Variants in CNTNAP2 observed in about 807,000 individuals in gnomAD.
CNTNAP2 encodes the protein contactin-associated protein-like 2.
In CNTNAP2, 98 loss-of-function variants were observed where a neutral mutation model predicts 155.2. The ratio of observed to expected loss-of-function variants is 0.63; its 90% CI spans 0.54 to 0.75. The LOEUF (loss-of-function observed/expected upper bound fraction) is 0.75. Ranked by LOEUF, CNTNAP2 falls within the 30% of genes least tolerant of loss-of-function variation. The pLI is 0.00. For missense variants in CNTNAP2, 1,727 were observed against 1,688.1 expected (o/e 1.02, Z -0.40); for synonymous variants, 651 against 631.2 (o/e 1.03, Z -0.47).
intron 3 of CNTNAP2, among the ~76,000 whole-genome samples, chr7:146,891,517 A>G (rs551880594): frequency 2.0e-5 from 3 of 152,262 alleles, no homozygotes; most frequent in Non-Finnish European, 4.4e-5. Flanking sequence ...TATGCAAAAG[A>G]TAAATTACAC....
intron 1 of CNTNAP2, among the ~76,000 whole-genome samples, chr7:146,422,361 A>G (rs867163000): frequency 2.0e-5 from 3 of 148,878 alleles, no homozygotes. Context: ...ATATATATGT[A>G]TATATATATA....
intron 3 of CNTNAP2, among the ~76,000 whole-genome samples, chr7:146,974,206 G>T (rs1193379520): frequency 2.0e-5 from 3 of 152,112 alleles, no homozygotes; most frequent in Non-Finnish European, 4.4e-5. Context: ...GCTGGGCAGG[G>T]AGGCTGAGGT....
At chr7:146,472,026 A>T (rs918051809) in intron 1 of CNTNAP2, among the ~76,000 whole-genome samples, 2 of 152,190 alleles carry the variant, frequency 1.3e-5, no homozygotes, top group African/African-American at 4.8e-5. Context: ...AAAAGCTCTC[A>T]TGGGCATCCT....
intron 15 of CNTNAP2, among the ~76,000 whole-genome samples, chr7:148,026,168 G>T (rs939819881): frequency 1.3e-5 from 2 of 152,130 alleles, no homozygotes; most frequent in Admixed American, 6.5e-5. Context: ...AAAAATACTA[G>T]CCAGGTGTGG....
intron 1 of CNTNAP2, among the ~76,000 whole-genome samples, chr7:146,224,591 CAA>C (rs35333614): frequency 0.7 from 103,695 of 148,210 alleles, 36,978 homozygotes; most frequent in East Asian, 0.94. Flanking sequence ...ACAAAAAATA[CAA>C]AAAAAAAAAA....
At chr7:146,701,150 C>A (rs140958095) in intron 1 of CNTNAP2, among the ~76,000 whole-genome samples, 6 of 152,090 alleles carry the variant, frequency 3.9e-5, no homozygotes, top group African/African-American at 1.4e-4. Flanking sequence ...TATCTGTTGG[C>A]GGGAAAGATA....
chr7:147,376,720 A>G (rs1336534005), intron 9 of CNTNAP2, among the ~76,000 whole-genome samples: 1 of 151,842 alleles, frequency 6.6e-6, no homozygotes, highest in East Asian at 1.9e-4. Context: ...TATTTCCTCT[A>G]TTTTAGAGGT....
intron 5 of CNTNAP2, among the ~76,000 whole-genome samples, chr7:147,114,560 G>A (rs894394415): frequency 1.5e-4 from 23 of 152,094 alleles, no homozygotes. Context: ...TTTACCATTA[G>A]GTAATGCCCT....
chr7:146,659,282 C>G (rs74860445), intron 1 of CNTNAP2, among the ~76,000 whole-genome samples: 3,457 of 152,214 alleles, frequency 0.023, 45 homozygotes, highest in Middle Eastern at 0.041. Flanking sequence ...TAGAGATAAC[C>G]AATTTAAATG....
Position 146,348,868 on chromosome 7 carries a change from T to A in CNTNAP2, c.97+231895T>A, listed in dbSNP as rs1794869670. 2.0e-5 allele frequency among the ~76,000 whole-genome samples: 3 copies of A among 149,410 alleles called. No homozygotes were observed. The Admixed American group carries it at 2.0e-4, about 10-fold the overall frequency. On this transcript the variant is annotated intron_variant, in intron 1 of 23. Transcript: ENST00000361727. Reference sequence around the variant, plus strand: ...TAATATACTTAATTTATAACTATTGTATATAGTGCATAATTTTCAAAGACA... The same window carrying A: ...TAATATACTTAATTTATAACTATTGAATATAGTGCATAATTTTCAAAGACA...
At chr7:147,490,817 G>A (rs1798595282) in intron 11 of CNTNAP2, among the ~76,000 whole-genome samples, 1 of 152,178 alleles carries the variant, frequency 6.6e-6, no homozygotes, top group Admixed American at 6.5e-5. Context: ...AGCCGGGGAG[G>A]CCTCAGGAAA....
chr7:147,004,171 A>G (rs1172424142), intron 3 of CNTNAP2, among the ~76,000 whole-genome samples: 1 of 150,824 alleles, frequency 6.6e-6, no homozygotes, highest in Non-Finnish European at 1.5e-5. Flanking sequence ...GAAGAATAAA[A>G]TCGATGAATT....
At chr7:147,054,725 A>G (rs1799528612) in intron 4 of CNTNAP2, among the ~76,000 whole-genome samples, 2 of 152,158 alleles carry the variant, frequency 1.3e-5, no homozygotes, top group African/African-American at 4.8e-5. Context: ...ACAACATAAT[A>G]AAATAATTAT....
At chr7:147,725,219 T>TA (rs34761432) in intron 13 of CNTNAP2, among the ~76,000 whole-genome samples, 12 of 151,648 alleles carry the variant, frequency 7.9e-5, no homozygotes, top group Admixed American at 4.6e-4. Context: ...ATTTTGTACT[T>TA]AAAAAAAAGA....
intron 1 of CNTNAP2, among the ~76,000 whole-genome samples, chr7:146,398,751 C>A (rs980052684): frequency 6.6e-6 from 1 of 151,968 alleles, no homozygotes; most frequent in East Asian, 1.9e-4. Flanking sequence ...GAAAAGTCAA[C>A]CCTGCTTACT....
At chr7:147,977,423 T>C (rs559876485) in intron 14 of CNTNAP2, among the ~76,000 whole-genome samples, 1 of 152,302 alleles carries the variant, frequency 6.6e-6, no homozygotes, top group African/African-American at 2.4e-5. Context: ...CTTATTTAAC[T>C]CATGTACAAT....
chr7:148,140,160 T>C (rs1376047823), intron 16 of CNTNAP2, among the ~76,000 whole-genome samples: 1 of 152,210 alleles, frequency 6.6e-6, no homozygotes, highest in African/African-American at 2.4e-5. Context: ...TCAACCTCTC[T>C]ATATAGATTC....
chr7:147,869,878 T>G (rs566704904), intron 13 of CNTNAP2, among the ~76,000 whole-genome samples: 15 of 152,224 alleles, frequency 9.9e-5, no homozygotes, highest in Non-Finnish European at 2.1e-4. Context: ...TTTATCCATT[T>G]AAATTGATTA....
At chr7:147,202,578 A>G (rs1012861809) in intron 8 of CNTNAP2, among the ~76,000 whole-genome samples, 12 of 152,164 alleles carry the variant, frequency 7.9e-5, no homozygotes, top group African/African-American at 2.9e-4. Context: ...AGACTGGAGT[A>G]GGAAAATGTG....
Sources: gnomAD v4.1 joint callset for allele counts (sites outside exome capture counted in the v4.1 genomes callset) on GRCh38, gnomAD v4.1.1 for gene constraint, MANE v1.5 for transcripts, NCBI Gene and HGNC (gene_info 2026-07-23, HGNC 2026-07-21) for gene names.